The following RGS7 variants were observed in gnomAD, a reference collection of about 807,000 sequenced individuals.
RGS7 encodes the protein regulator of G-protein signaling 7.
RGS7 carries 27 observed loss-of-function variants against 81.1 expected under a neutral mutation model. The ratio of observed to expected loss-of-function variants is 0.33; its 90% confidence interval spans 0.25 to 0.46. The LOEUF is 0.46. RGS7 is among the 20% of genes least tolerant of loss of function. The pLI is 1.00. For synonymous variants in RGS7, 208 were observed against 207.7 expected (o/e 1.00, Z -0.01); for missense variants, 396 against 607.4 (o/e 0.65, Z 3.66).
intron 4 of RGS7, among the ~76,000 whole-genome samples, chr1:240,952,700 A>T (rs1056992055): frequency 2.6e-5 from 4 of 152,008 alleles, no homozygotes; most frequent in African/African-American, 9.6e-5. Context: ...TATATCAATA[A>T]TCACCTTAAA....
At chr1:241,290,244 G>A (rs902787883) in intron 2 of RGS7, among the ~76,000 whole-genome samples, 2 of 152,194 alleles carry the variant, frequency 1.3e-5, no homozygotes, top group Non-Finnish European at 2.9e-5. Flanking sequence ...AAAAACAGCA[G>A]CAGCTGATGC....
At chr1:241,050,421 G>T (rs909290885) in intron 3 of RGS7, among the ~76,000 whole-genome samples, 10 of 152,086 alleles carry the variant, frequency 6.6e-5, no homozygotes, top group African/African-American at 2.4e-4. Flanking sequence ...GGCTCTCCCA[G>T]GTCACTATGT....
At chr1:241,009,045 G>A (rs368741702) in intron 3 of RGS7, among the ~76,000 whole-genome samples, 3 of 151,142 alleles carry the variant, frequency 2.0e-5, no homozygotes, top group African/African-American at 2.4e-5. Flanking sequence ...ACATTGTTTC[G>A]TAAAATGTAA....
At chr1:241,263,613 T>C (rs2077448108) in intron 2 of RGS7, among the ~76,000 whole-genome samples, 1 of 152,186 alleles carries the variant, frequency 6.6e-6, no homozygotes, top group South Asian at 2.1e-4. Context: ...TTATAGCAGA[T>C]AATAAATGAT....
chr1:241,216,818 G>T (rs2074586244), intron 2 of RGS7, among the ~76,000 whole-genome samples: 1 of 152,134 alleles, frequency 6.6e-6, no homozygotes, highest in East Asian at 1.9e-4. Flanking sequence ...AACTGGTATG[G>T]CCATCTTGTC....
intron 2 of RGS7, among the ~76,000 whole-genome samples, chr1:241,228,382 T>C (rs897415937): frequency 1.3e-5 from 2 of 151,942 alleles, no homozygotes; most frequent in African/African-American, 2.4e-5. Flanking sequence ...CAAAATCACA[T>C]AAATATAGAT....
At chr1:241,211,725 G>T (rs188935409) in intron 2 of RGS7, among the ~76,000 whole-genome samples, 125 of 152,298 alleles carry the variant, frequency 8.2e-4, no homozygotes, top group South Asian at 2.5e-3. Flanking sequence ...TTAAAAAACA[G>T]TCCAAGGCAT....
chr1:240,933,266 T>C (rs1031406431), intron 5 of RGS7, among the ~76,000 whole-genome samples: 1 of 151,946 alleles, frequency 6.6e-6, no homozygotes, highest in Non-Finnish European at 1.5e-5. Flanking sequence ...TATGTGTATG[T>C]ATAGGTGTGT....
intron 2 of RGS7, among the ~76,000 whole-genome samples, chr1:241,299,935 C>A (rs1394817522): frequency 1.5e-3 from 89 of 58,038 alleles, no homozygotes; most frequent in Middle Eastern, 0.019. Context: ...CTCGTTTCTC[C>A]AAAAAAAAAA....
At chr1:240,795,794 G>A (rs1686955937) in intron 18 of RGS7, among the ~76,000 whole-genome samples, 1 of 152,030 alleles carries the variant, frequency 6.6e-6, no homozygotes, top group Non-Finnish European at 1.5e-5. Context: ...AATAAAGAAT[G>A]TTTCAAAAGA....
intron 3 of RGS7, among the ~76,000 whole-genome samples, chr1:241,016,675 T>C (rs181891168): frequency 6.6e-6 from 1 of 152,322 alleles, no homozygotes; most frequent in Non-Finnish European, 1.5e-5. Flanking sequence ...AGAGTACTAA[T>C]GTCTCTACTG....
chr1:240,995,519 G>A (rs893356872), intron 3 of RGS7, among the ~76,000 whole-genome samples: 18 of 152,104 alleles, frequency 1.2e-4, no homozygotes, highest in African/African-American at 3.6e-4. Context: ...CATTGATTGC[G>A]CTATTCAAAT....
chr1:241,066,115 T>C (rs931432727), intron 3 of RGS7, among the ~76,000 whole-genome samples: 4 of 152,220 alleles, frequency 2.6e-5, no homozygotes, highest in South Asian at 2.1e-4. Flanking sequence ...CTTATTCATC[T>C]CATCTAATGC....
intron 2 of RGS7, among the ~76,000 whole-genome samples, chr1:241,135,789 T>A (rs2067465723): frequency 6.6e-6 from 1 of 152,026 alleles, no homozygotes; most frequent in Non-Finnish European, 1.5e-5. Context: ...CCTTTTTTTA[T>A]TATTTTTTTT....
intron 18 of RGS7, among the ~76,000 whole-genome samples, chr1:240,784,507 G>C (rs1449413912): frequency 3.3e-5 from 5 of 149,974 alleles, no homozygotes; most frequent in African/African-American, 1.2e-4. Context: ...TTAGCCGGGC[G>C]TGGTGGCGGG....
chr1:241,295,220 G>A (rs577752414), intron 2 of RGS7, among the ~76,000 whole-genome samples: 23 of 152,164 alleles, frequency 1.5e-4, no homozygotes, highest in South Asian at 2.1e-4. Context: ...AGGCCAAGGC[G>A]GGCGGATCAC....
At chr1:241,298,313 G>C (rs2079541826) in intron 2 of RGS7, among the ~76,000 whole-genome samples, 1 of 152,192 alleles carries the variant, frequency 6.6e-6, no homozygotes, top group East Asian at 1.9e-4. Flanking sequence ...TTAATTAGAA[G>C]CTAGGAGGAG....
At chr1:240,807,928 G>A (rs746138994) in intron 14 of RGS7, among the ~76,000 whole-genome samples, 8 of 151,716 alleles carry the variant, frequency 5.3e-5, no homozygotes, top group Non-Finnish European at 8.8e-5. Context: ...CCAGCTACTC[G>A]GGAGGCTGAG....
At chr1:240,865,387 C>T (rs1663053598) in intron 9 of RGS7, among the ~76,000 whole-genome samples, 1 of 152,208 alleles carries the variant, frequency 6.6e-6, no homozygotes, top group Non-Finnish European at 1.5e-5. Flanking sequence ...CCAGGCCATA[C>T]CAGATTAAGC....
Sources: gnomAD v4.1 joint callset for allele counts (sites outside exome capture counted in the v4.1 genomes callset) on GRCh38, gnomAD v4.1.1 for gene constraint, MANE v1.5 for transcripts, NCBI Gene and HGNC (gene_info 2026-07-23, HGNC 2026-07-21) for gene names.